The following OPCML variants were observed in gnomAD, a reference collection of about 807,000 sequenced individuals.
OPCML encodes the protein opioid-binding protein/cell adhesion molecule.
OPCML carries 13 observed loss-of-function variants against 37.8 expected under a neutral mutation model. The observed-to-expected ratio is 0.34, with a 90% CI of 0.22 to 0.55. The LOEUF (loss-of-function observed/expected upper bound fraction) is 0.55. Ranked by LOEUF, OPCML falls within the 20% of genes least tolerant of loss-of-function variation. OPCML has a pLI of 0.91. For missense variants in OPCML, 341 were observed against 435.6 expected (o/e 0.78, Z 1.93); for synonymous variants, 176 against 168.8 (o/e 1.04, Z -0.33).
intron 2 of OPCML, among the ~76,000 whole-genome samples, chr11:132,793,918 C>G (rs182904570): frequency 7.2e-5 from 11 of 152,332 alleles, no homozygotes; most frequent in Admixed American, 1.3e-4. Flanking sequence ...GGCTGCATCT[C>G]CAGCTGCTGC....
chr11:133,083,317 C>T lies in OPCML; in HGVS notation c.62-140307G>A, dbSNP rs575418123. Among the ~76,000 whole-genome samples the T allele has an allele frequency of 7.7e-4, 117 of 152,260 alleles. No homozygotes were observed. The Middle Eastern group carries it at 0.024, about 31-fold the overall frequency. On this transcript the variant is annotated intron_variant, in intron 1 of 7. Transcript: ENST00000524381. Reference sequence around the variant, plus strand: ...CCCAGACCCGACCCCTCTGAGCTGCCCCTCTCCGAGGCCCCGCGACCGCAT... The same window carrying T: ...CCCAGACCCGACCCCTCTGAGCTGCTCCTCTCCGAGGCCCCGCGACCGCAT...
Position 133,049,841 on chromosome 11 carries a change from T to C in OPCML, c.62-106831A>G, listed in dbSNP as rs986783453. ...AATCCACATTCTAGTGTATTTCCAG[T>C]TAGCTGGGCTGCCGGGGAGACCCCC... On this transcript the variant is annotated intron_variant, in intron 1 of 7. Coordinates refer to ENST00000524381, the MANE Select transcript of OPCML (RefSeq NM_001012393.5). Among the ~76,000 whole-genome samples the C allele has an allele frequency of 4.6e-5, 7 of 152,176 alleles. No homozygotes were observed. The South Asian group carries it at 1.4e-3, about 32-fold the overall frequency.
At chr11:133,041,933 G>A (rs532935596) in intron 1 of OPCML, among the ~76,000 whole-genome samples, 4 of 152,074 alleles carry the variant, frequency 2.6e-5, no homozygotes, top group South Asian at 2.1e-4. Flanking sequence ...GCTGCGAGTC[G>A]CCTCCAAATC....
At chr11:133,499,244 G>C (rs575083808) in intron 1 of OPCML, among the ~76,000 whole-genome samples, 1 of 152,266 alleles carries the variant, frequency 6.6e-6, no homozygotes, top group Non-Finnish European at 1.5e-5. Context: ...AGGGATTTCG[G>C]GCGAGGGGCA....
intron 1 of OPCML, among the ~76,000 whole-genome samples, chr11:133,019,603 C>A (rs1045792466): frequency 6.6e-5 from 10 of 152,154 alleles, no homozygotes; most frequent in Non-Finnish European, 1.2e-4. Context: ...AAAAAAGGAG[C>A]TATTTTGTTT....
intron 1 of OPCML, among the ~76,000 whole-genome samples, chr11:133,462,555 C>T (rs1231741150): frequency 2.0e-5 from 3 of 151,862 alleles, no homozygotes; most frequent in South Asian, 2.1e-4. Flanking sequence ...CAAAGATGTA[C>T]GAATGGCAAT....
In OPCML at chr11:132,547,494, C is replaced by CAG. The variant is rs148137827; in HGVS notation, c.380-18310_380-18309dup. ...ACTAGATTTTTAGAAAGGGTAGAGG[C>CAG]AGAGTCTGGAAAAGTGAACAGCCAG... On this transcript the variant is annotated intron_variant, in intron 3 of 7. Coordinates refer to ENST00000524381, the MANE Select transcript of OPCML (RefSeq NM_001012393.5). Among the ~76,000 whole-genome samples, 1,028 of 152,160 alleles carry CAG rather than the reference C, an allele frequency of 6.8e-3. 18 individuals carry two copies. The highest frequency in any genetic ancestry group is 0.023 in the African/African-American group (953 of 41,518).
intron 2 of OPCML, among the ~76,000 whole-genome samples, chr11:132,733,155 T>C (rs1945137311): frequency 6.6e-6 from 1 of 152,020 alleles, no homozygotes; most frequent in African/African-American, 2.4e-5. Context: ...GGAGCGAACA[T>C]TTAACAAAGA....
intron 4 of OPCML, among the ~76,000 whole-genome samples, chr11:132,459,962 T>C (rs998927667): frequency 6.6e-6 from 1 of 152,208 alleles, no homozygotes; most frequent in Non-Finnish European, 1.5e-5. Context: ...TGCTAGATAC[T>C]CAAGTGTGAA....
chr11:132,519,333 G>A (rs1271455172), intron 4 of OPCML, among the ~76,000 whole-genome samples: 1 of 152,016 alleles, frequency 6.6e-6, no homozygotes, highest in Non-Finnish European at 1.5e-5. Flanking sequence ...TTAGCACTCC[G>A]GAGTTTGGGT....
chr11:133,475,109 T>C (rs191978084), intron 1 of OPCML, among the ~76,000 whole-genome samples: 1 of 152,222 alleles, frequency 6.6e-6, no homozygotes, highest in African/African-American at 2.4e-5. Context: ...ATGGAAATAT[T>C]TCGGCAGTTT....
At chr11:132,484,195 T>C (rs2096191369) in intron 4 of OPCML, among the ~76,000 whole-genome samples, 1 of 152,090 alleles carries the variant, frequency 6.6e-6, no homozygotes. Context: ...ATCCAGAATC[T>C]ACAATGAACT....
intron 1 of OPCML, among the ~76,000 whole-genome samples, chr11:133,406,140 G>A (rs1160167702): frequency 6.6e-6 from 1 of 151,988 alleles, no homozygotes; most frequent in Non-Finnish European, 1.5e-5. Flanking sequence ...TTATTGTTAT[G>A]ATCTATCATA....
chr11:133,215,687 G>A (rs1164059136), intron 1 of OPCML, among the ~76,000 whole-genome samples: 1 of 152,118 alleles, frequency 6.6e-6, no homozygotes, highest in African/African-American at 2.4e-5. Flanking sequence ...CGTCTACTTT[G>A]ATGCCCCGAG....
intron 1 of OPCML, among the ~76,000 whole-genome samples, chr11:133,061,292 C>A (rs1948337084): frequency 6.6e-6 from 1 of 152,198 alleles, no homozygotes. Flanking sequence ...TGGCAGACTC[C>A]AAAGGATTCT....
At chr11:132,649,475 C>T (rs1191483441) in intron 3 of OPCML, among the ~76,000 whole-genome samples, 1 of 152,092 alleles carries the variant, frequency 6.6e-6, no homozygotes, top group African/African-American at 2.4e-5. Context: ...TGAGTGTGGC[C>T]TTGCTCTAAC....
intron 1 of OPCML, among the ~76,000 whole-genome samples, chr11:133,199,773 T>C (rs1565499167): frequency 6.6e-6 from 1 of 152,198 alleles, no homozygotes; most frequent in Non-Finnish European, 1.5e-5. Flanking sequence ...CAGTTTACCA[T>C]TGCTTGTCTT....
At chr11:132,703,090 T>C (rs1000052650) in intron 2 of OPCML, among the ~76,000 whole-genome samples, 1 of 152,194 alleles carries the variant, frequency 6.6e-6, no homozygotes, top group Non-Finnish European at 1.5e-5. Flanking sequence ...CCTGCATTGC[T>C]TGACAACAAA....
chr11:132,695,916 G>A (rs1565782581), intron 2 of OPCML, among the ~76,000 whole-genome samples: 1 of 152,094 alleles, frequency 6.6e-6, no homozygotes, highest in Non-Finnish European at 1.5e-5. Flanking sequence ...ATTCGGAGTG[G>A]CTTGGAATTG....
Sources: gnomAD v4.1 joint callset for allele counts (sites outside exome capture counted in the v4.1 genomes callset) on GRCh38, gnomAD v4.1.1 for gene constraint, MANE v1.5 for transcripts, NCBI Gene and HGNC (gene_info 2026-07-23, HGNC 2026-07-21) for gene names.